EYA3: variants seen among roughly 807,000 people sequenced by gnomAD.
EYA3 encodes protein phosphatase EYA3.
EYA3 carries 39 observed loss-of-function variants against 80.0 expected under a neutral mutation model. The observed-to-expected ratio is 0.49, with a 90% CI of 0.38 to 0.64. The LOEUF (loss-of-function observed/expected upper bound fraction) is 0.64, where lower values mean the gene tolerates loss of function less well. Ranked by LOEUF, EYA3 falls within the 30% of genes least tolerant of loss-of-function variation. EYA3 has a pLI of 0.00. For synonymous variants in EYA3, 206 were observed against 232.8 expected (o/e 0.88, Z 1.05); for missense variants, 523 against 676.1 (o/e 0.77, Z 2.51).
At chr1:28,025,433 C>T (rs1457722205) in intron 7 of EYA3, among the ~76,000 whole-genome samples, 1 of 152,152 alleles carries the variant, frequency 6.6e-6, no homozygotes, top group African/African-American at 2.4e-5. Context: ...GCTCTGGAGT[C>T]AGAATGCCCA....
In EYA3 at chr1:27,998,714, TA is replaced by T. The variant is rs552461420; in HGVS notation, c.1083+1245del. 5.6e-3 allele frequency among the ~76,000 whole-genome samples: 755 copies of T among 134,902 alleles called. 2 individuals carry two copies. Among genetic ancestry groups the T allele is most frequent in the Middle Eastern group, 7.3e-3 (2 of 274 alleles). The allele number at this position is 134,902 out of a possible 152,430, so 88.5% of individuals were successfully genotyped here. ...TACAGTGAAACCCCATCTCTATTACTAAAAAAAAAAAAAAGATTAAAAAAAT... is the reference window on the plus strand; with the variant it reads ...TACAGTGAAACCCCATCTCTATTACTAAAAAAAAAAAAAGATTAAAAAAAT... On this transcript the variant is annotated intron_variant, in intron 12 of 17. Coordinates refer to ENST00000373871, the MANE Select transcript of EYA3 (RefSeq NM_001990.4).
At chr1:28,017,879 C>CTTATATGATACTTGG (rs1553146808) in intron 7 of EYA3, among the ~76,000 whole-genome samples, 1 of 152,014 alleles carries the variant, frequency 6.6e-6, no homozygotes. Context: ...AAAAATGTAC[C>CTTATATGATACTTGG]TTATATGATA....
chr1:27,984,949 A>G (rs976111893), intron 16 of EYA3, among the ~76,000 whole-genome samples: 1 of 152,198 alleles, frequency 6.6e-6, no homozygotes, highest in Non-Finnish European at 1.5e-5. Flanking sequence ...TTGTTAGACC[A>G]GTTCTATAAA....
In EYA3 at chr1:27,974,351, GAT is replaced by G; in HGVS notation, c.*113_*114del. 1.5e-6 allele frequency: 1 copy of G among 667,214 alleles called. No individual in the cohort carries two copies. Among genetic ancestry groups the G allele is most frequent in the Admixed American group, 2.6e-5 (1 of 37,996 alleles). 41.3% of individuals were successfully genotyped at this position (667,214 alleles called of 1,614,324 possible). A position where few individuals can be genotyped will look rare whatever the true frequency, so the allele number is the denominator to read the frequency against. ...AGAGAGAAAGAGAGAAAGAGAGAGA[GAT>G]AGAGACAGAGACACAGAGAGAGACA... On this transcript the variant is annotated 3_prime_UTR_variant, in exon 18 of 18. Coordinates refer to ENST00000373871, the MANE Select transcript of EYA3 (RefSeq NM_001990.4).
chr1:28,050,567 C>A (rs750946059), intron 2 of EYA3, among the ~76,000 whole-genome samples: 1 of 151,924 alleles, frequency 6.6e-6, no homozygotes, highest in African/African-American at 2.4e-5. Flanking sequence ...AATTTATTAC[C>A]GTGCCAACCC....
At chr1:28,016,182 T>C (rs1202264656) in intron 8 of EYA3, among the ~76,000 whole-genome samples, 1 of 152,112 alleles carries the variant, frequency 6.6e-6, no homozygotes. Context: ...AGACAGTCCT[T>C]AGAAAAATAC....
intron 7 of EYA3, among the ~76,000 whole-genome samples, chr1:28,024,286 T>A (rs1338511713): frequency 2.0e-5 from 3 of 151,542 alleles, no homozygotes; most frequent in South Asian, 2.1e-4. Flanking sequence ...TTAATAAAAA[T>A]TTTTTTAAAA....
chr1:27,982,442 G>A (rs371475704), intron 16 of EYA3, among the ~76,000 whole-genome samples: 1 of 148,944 alleles, frequency 6.7e-6, no homozygotes, highest in Non-Finnish European at 1.5e-5. Flanking sequence ...CACTCCACCT[G>A]ACCCTTATAG....
At chr1:28,045,626 C>T (rs1643975171) in intron 3 of EYA3, among the ~76,000 whole-genome samples, 1 of 152,044 alleles carries the variant, frequency 6.6e-6, no homozygotes, top group Non-Finnish European at 1.5e-5. Context: ...AACAACAGCA[C>T]CAAGACAGTG....
intron 8 of EYA3, among the ~76,000 whole-genome samples, chr1:28,016,529 T>A: frequency 9.6e-6 from 1 of 103,740 alleles, no homozygotes; most frequent in African/African-American, 3.3e-5. Flanking sequence ...TGAGACTCCA[T>A]CTTAAAAAAA....
Position 27,973,048 on chromosome 1 carries a change from C to T in EYA3, c.*1418G>A, listed in dbSNP as rs772833209. On this transcript the variant is annotated 3_prime_UTR_variant, in exon 18 of 18. Transcript: ENST00000373871. ...AATGTGAAAACCTGTCTGTTTCTCC[C>T]TTCCCCCCACAATCAGCAAAGTCTT... 3.3e-5 allele frequency: 5 copies of T among 152,228 alleles called. No individual in the cohort carries two copies. Among genetic ancestry groups the T allele is most frequent in the Non-Finnish European group, 7.3e-5 (5 of 68,054 alleles). 9.4% of individuals were successfully genotyped at this position (152,228 alleles called of 1,614,324 possible). A position where few individuals can be genotyped will look rare whatever the true frequency, so the allele number is the denominator to read the frequency against.
intron 5 of EYA3, among the ~76,000 whole-genome samples, chr1:28,037,716 A>ATTAGAAGAACTCATTGGGTTGAC (rs1553150738): frequency 6.6e-6 from 1 of 152,386 alleles, no homozygotes; most frequent in African/African-American, 2.4e-5. Flanking sequence ...CAGATTAAAA[A>ATTAGAAGAACTCATTGGGTTGAC]TTAGAAGAAC....
rs371991733 is a variant in EYA3 at position 28,032,938 on chromosome 1, T to C, written c.361+2606A>G. Among the ~76,000 whole-genome samples the C allele has an allele frequency of 5.3e-5, 8 of 152,316 alleles. No homozygotes were observed. The East Asian group carries it at 7.7e-4, about 15-fold the overall frequency. On this transcript the variant is annotated intron_variant, in intron 6 of 17. Coordinates refer to ENST00000373871, the MANE Select transcript of EYA3 (RefSeq NM_001990.4). ...AGGCTTTTACTAATTGTATGAACTT[T>C]GGGCACATGATTTAACTCTGCTTCT...
At chr1:28,049,881 T>G (rs1050053236) in intron 2 of EYA3, among the ~76,000 whole-genome samples, 13 of 152,162 alleles carry the variant, frequency 8.5e-5, no homozygotes, top group African/African-American at 3.1e-4. Flanking sequence ...TAGTTACATA[T>G]GGTCAGATAA....
chr1:28,003,577 A>G (rs1641051211), intron 11 of EYA3, among the ~76,000 whole-genome samples: 1 of 152,124 alleles, frequency 6.6e-6, no homozygotes. Flanking sequence ...AAGGAGGCAA[A>G]TATTTTTATT....
At chr1:28,057,088 G>A (rs540409813) in intron 2 of EYA3, among the ~76,000 whole-genome samples, 73 of 152,014 alleles carry the variant, frequency 4.8e-4, no homozygotes, top group Non-Finnish European at 7.9e-4. Context: ...CAACTGAGAG[G>A]GCTAGAAGAA....
intron 14 of EYA3, chr1:27,990,352 G>T (rs1639961811): frequency 6.5e-6 from 1 of 154,842 alleles, no homozygotes; most frequent in South Asian, 2.0e-4. Context: ...AGAGCATTTT[G>T]AACAGGGTTT....
chr1:27,983,960 T>A (rs1639481240), intron 16 of EYA3, among the ~76,000 whole-genome samples: 1 of 152,140 alleles, frequency 6.6e-6, no homozygotes, highest in Non-Finnish European at 1.5e-5. Flanking sequence ...TGGCAGTTCT[T>A]CATAGATTCT....
chr1:28,006,563 G>C (rs12409584), intron 10 of EYA3, among the ~76,000 whole-genome samples: 2 of 151,784 alleles, frequency 1.3e-5, no homozygotes, highest in Non-Finnish European at 2.9e-5. Context: ...AAAATTAACC[G>C]GGTGTGGTGG....
Sources: allele counts gnomAD v4.1 joint callset (sites outside exome capture counted in the v4.1 genomes callset), GRCh38; gene constraint gnomAD v4.1.1; transcripts MANE v1.5; gene names NCBI Gene and HGNC (gene_info 2026-07-23, HGNC 2026-07-21).